The following CHD7 variants were observed in gnomAD, a reference collection of about 807,000 sequenced individuals.
CHD7 encodes the protein ATP-dependent chromatin remodeler CHD7.
In CHD7, 24 loss-of-function variants were observed where a neutral mutation model predicts 307.3. The ratio of observed to expected loss-of-function variants is 0.08; its 90% CI spans 0.06 to 0.11. CHD7 has a LOEUF of 0.11. Ranked by LOEUF, CHD7 falls within the 10% of genes least tolerant of loss-of-function variation. CHD7 has a pLI of 1.00. For synonymous variants in CHD7, 1,363 were observed against 1,349.9 expected, an observed-to-expected ratio of 1.01 and a Z score of -0.21; for missense variants, 3,106 against 3,727.1, an observed-to-expected ratio of 0.83 and a Z score of 4.34.
chr8:60,808,081 GT>G (rs1812622479), intron 6 of CHD7, 135 bp from the exon 7 acceptor site: 2 of 664,808 alleles, frequency 3.0e-6, no homozygotes, highest in East Asian at 5.6e-5. Context: ...CCAGCACACG[GT>G]GTGCTCATCT....
Position 60,831,343 on chromosome 8 carries a change from G to A in CHD7, c.3778+766G>A, listed in dbSNP as rs557784928. On this transcript the variant is annotated intron_variant, in intron 15 of 37. Transcript: ENST00000423902. ...AGTCTGCAGGGGTAGAAAGGATTTT[G>A]CGAGGCAGAGTTAGAAAAAGAAAAG... Among the ~76,000 whole-genome samples, 36 of 152,162 alleles carry A rather than the reference G, an allele frequency of 2.4e-4. 1 individual carries two copies. Among genetic ancestry groups the A allele is most frequent in the Admixed American group, 7.2e-4 (11 of 15,286 alleles).
intron 7 of CHD7, among the ~76,000 whole-genome samples, chr8:60,816,105 G>GTCTC (rs1803724024): frequency 1.5e-5 from 1 of 67,980 alleles, no homozygotes; most frequent in Non-Finnish European, 3.1e-5. Context: ...TTGTCTGTCT[G>GTCTC]TCTGTCTGTC....
intron 13 of CHD7, 88 bp from the exon 14 acceptor site, chr8:60,828,575 A>G (rs1804359389): frequency 8.0e-7 from 1 of 1,250,618 alleles, no homozygotes; most frequent in Admixed American, 2.5e-5. Context: ...GAGTAGGAGT[A>G]GAACAATGGG....
At chr8:60,760,957 A>G in intron 2 of CHD7, among the ~76,000 whole-genome samples, 1 of 152,226 alleles carries the variant, frequency 6.6e-6, no homozygotes, top group Non-Finnish European at 1.5e-5. Context: ...ATCTAGAACT[A>G]GAAATACCAT....
At chr8:60,844,618 G>A (rs1357946238) in intron 21 of CHD7, among the ~76,000 whole-genome samples, 1 of 152,154 alleles carries the variant, frequency 6.6e-6, no homozygotes, top group African/African-American at 2.4e-5. Context: ...GGAAAGGCCA[G>A]GGTTAGCTTT....
rs950342976 is a variant in CHD7, at chr8:60,802,570, G to A, written c.2442+977G>A. On this transcript the variant is annotated intron_variant, in intron 6 of 37. Coordinates refer to ENST00000423902, the MANE Select transcript of CHD7 (RefSeq NM_017780.4). ...TATATAATAAAGACATGGTCTAGCT[G>A]CGAACTCCTGGGCTCAAACATTTCT... Among the ~76,000 whole-genome samples the A allele has an allele frequency of 3.3e-5, 5 of 152,296 alleles. No individual in the cohort carries two copies. The East Asian group carries it at 9.6e-4, about 29-fold the overall frequency.
Position 60,867,316 on chromosome 8 carries a change from C to T in CHD7, c.*1383C>T, listed in dbSNP as rs1399165301. 1 of 152,216 alleles carries T rather than the reference C, an allele frequency of 6.6e-6. No individual in the cohort carries two copies. The highest frequency in any genetic ancestry group is 2.4e-5 in the African/African-American group (1 of 41,462). The allele number at this position is 152,216 out of a possible 1,614,324, so 9.4% of individuals were successfully genotyped here. The stretch of plus-strand genomic sequence containing the variant: ...GTAGAAAAACACAATGCGGTAGTGT[C>T]AGCAAGGGACACAAAGGCACTCTGG... On this transcript the variant is annotated 3_prime_UTR_variant, in exon 38 of 38. Coordinates refer to ENST00000423902, the MANE Select transcript of CHD7 (RefSeq NM_017780.4).
At chr8:60,716,328 AT>A (rs2150533958) in intron 1 of CHD7, among the ~76,000 whole-genome samples, 1 of 152,270 alleles carries the variant, frequency 6.6e-6, no homozygotes, top group African/African-American at 2.4e-5. Context: ...GCAGTTCGTG[AT>A]TCATCCTCTT....
chr8:60,797,093 C>T (rs1004927725), intron 4 of CHD7, among the ~76,000 whole-genome samples: 1 of 152,138 alleles, frequency 6.6e-6, no homozygotes. Flanking sequence ...GCAGTTCTTA[C>T]ATTTCATTTT....
rs541151323 is a variant in CHD7 at position 60,729,457 on chromosome 8, T to C, written c.-174-11802T>C. On this transcript the variant is annotated intron_variant, in intron 1 of 37. Coordinates refer to ENST00000423902, the MANE Select transcript of CHD7 (RefSeq NM_017780.4). ...AGATATGGGGGAGGAAACTTGAAAATGTGGGTAGGTATAGTATGATGCAAG... is the reference window on the plus strand; with the variant it reads ...AGATATGGGGGAGGAAACTTGAAAACGTGGGTAGGTATAGTATGATGCAAG... Among the ~76,000 whole-genome samples, 203 of 152,258 alleles carry C rather than the reference T, an allele frequency of 1.3e-3. 2 individuals are homozygous for C. Among genetic ancestry groups the C allele is most frequent in the Admixed American group, 2.7e-3 (42 of 15,286 alleles).
At chr8:60,757,298 C>T (rs1442168854) in intron 2 of CHD7, among the ~76,000 whole-genome samples, 1 of 152,068 alleles carries the variant, frequency 6.6e-6, no homozygotes, top group Non-Finnish European at 1.5e-5. Context: ...TAATTTTAAC[C>T]AACTTAAACA....
chr8:60,691,368 A>G (rs1806187086), intron 1 of CHD7, among the ~76,000 whole-genome samples: 1 of 152,212 alleles, frequency 6.6e-6, no homozygotes, highest in Non-Finnish European at 1.5e-5. Flanking sequence ...ACCTAATACT[A>G]GGCGAGAGGT....
intron 25 of CHD7, among the ~76,000 whole-genome samples, chr8:60,850,267 G>T (rs980569838): frequency 6.6e-6 from 1 of 152,220 alleles, no homozygotes; most frequent in Non-Finnish European, 1.5e-5. Context: ...ATTAGTGTTT[G>T]TGGTAATTCT....
At position 60,836,219 on chromosome 8, in the gene CHD7, G is replaced by A; in HGVS notation, c.3925G>A (p.Val1309Met). ...LPKLKAGGHRVLIFSQMVRCL... is the reference protein window; with the variant it reads ...LPKLKAGGHRMLIFSQMVRCL... ...AAAACTGAAGGCTGGTGGCCACAGG[G>A]TGCTTATCTTTTCCCAGATGGTGCG... The change falls in exon 16 of 38, where the codon GTG becomes ATG. Residue 1309 changes from valine (V) to methionine (M), a missense_variant. Around this residue, in one of 10 missense-constraint regions of CHD7, gnomAD observed 232 missense variants for 422.5 expected, o/e 0.55. Coordinates refer to ENST00000423902, the MANE Select transcript of CHD7 (RefSeq NM_017780.4). 1.2e-6 allele frequency: 2 copies of A among 1,614,010 alleles called. No individual in the cohort carries two copies. Among genetic ancestry groups the A allele is most frequent in the South Asian group, 1.1e-5 (1 of 91,024 alleles).
chr8:60,808,329 G>T lies in CHD7; in HGVS notation c.2498+57G>T. 2.9e-6 allele frequency: 3 copies of T among 1,044,200 alleles called. No homozygotes were observed. In the South Asian group the frequency reaches 4.6e-5, roughly 16 times the overall value. The allele number at this position is 1,044,200 out of a possible 1,614,324, so 64.7% of individuals were successfully genotyped here. A position where few individuals can be genotyped will look rare whatever the true frequency, so the allele number is the denominator to read the frequency against. ...GGGCTATATTTTCCAAGTAGTAAAC[G>T]ACCATTTTTTTTTAAAGTTGGGAAA... On this transcript the variant is annotated intron_variant, in intron 7 of 37. Coordinates refer to ENST00000423902, the MANE Select transcript of CHD7 (RefSeq NM_017780.4).
intron 37 of CHD7, 89 bp from the exon 38 acceptor site, chr8:60,864,927 G>T: frequency 7.8e-7 from 1 of 1,278,126 alleles, no homozygotes; most frequent in South Asian, 1.4e-5. Flanking sequence ...TTTCCATTTG[G>T]AATGGCAGGT....
At chr8:60,701,729 A>G (rs1021212947) in intron 1 of CHD7, among the ~76,000 whole-genome samples, 5 of 152,262 alleles carry the variant, frequency 3.3e-5, no homozygotes, top group Admixed American at 1.3e-4. Context: ...TTTGAAAGGT[A>G]TCTGGTTTAG....
intron 1 of CHD7, among the ~76,000 whole-genome samples, chr8:60,709,721 T>C (rs958564204): frequency 4.6e-5 from 7 of 152,190 alleles, no homozygotes; most frequent in African/African-American, 1.7e-4. Flanking sequence ...ATGATTGATA[T>C]TTTAATTTGC....
chr8:60,849,118 G>A lies in CHD7; in HGVS notation c.5368G>A (p.Ala1790Thr), dbSNP rs750793307. The part of the protein sequence containing the change: ...EVPADWWDKE[A>T]DKSLLIGVFK... ...TCCTGCAGATTGGTGGGATAAGGAAGCAGACAAATCCCTCTTAATTGGAGT... is the reference window on the plus strand; with the variant it reads ...TCCTGCAGATTGGTGGGATAAGGAAACAGACAAATCCCTCTTAATTGGAGT... Residue 1790 changes from alanine (A) to threonine (T), a missense_variant, in exon 25 of 38, where the codon GCA (alanine) becomes ACA (threonine). This residue lies in a region of CHD7 where 1,030 missense variants were observed against 1,165.4 expected (regional missense o/e 0.88). Transcript: ENST00000423902. The A allele has an allele frequency of 1.2e-6, 2 of 1,613,456 alleles. No individual in the cohort carries two copies. The highest frequency in any genetic ancestry group is 1.3e-5 in the African/African-American group (1 of 74,930).
Sources: gnomAD v4.1 joint callset for allele counts (sites outside exome capture counted in the v4.1 genomes callset) on GRCh38, gnomAD v4.1.1 for gene constraint, gnomAD v4.1.1 regional missense constraint, MANE v1.5 for transcripts, NCBI Gene and HGNC (gene_info 2026-07-23, HGNC 2026-07-21) for gene names.